SLC19A1: variants seen among roughly 807,000 people sequenced by gnomAD.
SLC19A1 encodes the protein solute carrier family 19 member 1, also known as reduced folate transporter.
SLC19A1 carries 37 observed loss-of-function variants against 35.3 expected under a neutral mutation model. The ratio of observed to expected loss-of-function variants is 1.05; its 90% CI spans 0.81 to 1.38. SLC19A1 has a LOEUF of 1.38. Among genes scored for constraint, SLC19A1 ranks in the 40% most tolerant of loss-of-function variants. The probability of loss-of-function intolerance (pLI) is 0.00; values close to 1 mark genes in which losing one functional copy is unlikely to be tolerated. For missense variants in SLC19A1, 831 were observed against 826.9 expected (o/e 1.00, Z -0.06); for synonymous variants, 460 against 398.5 (o/e 1.15, Z -1.84).
At chr21:45,551,947 A>G (rs2078470125) in intron 1 of SLC19A1, among the ~76,000 whole-genome samples, 1 of 152,086 alleles carries the variant, frequency 6.6e-6, no homozygotes, top group East Asian at 1.9e-4. Context: ...AGATGGACCC[A>G]CACCGCCTGC....
Position 45,534,458 on chromosome 21 carries a change from G to C in SLC19A1, c.190-2310C>G. Reference sequence around the variant, plus strand: ...CCCACAGCCCAGAGTCAAAATGGTAGACAGCCAGCAGAGAGGCTCTCCCCA... The same window carrying C: ...CCCACAGCCCAGAGTCAAAATGGTACACAGCCAGCAGAGAGGCTCTCCCCA... On this transcript the variant is annotated intron_variant, in intron 2 of 5. Coordinates refer to ENST00000311124, the MANE Select transcript of SLC19A1 (RefSeq NM_194255.4). The surrounding 1 kb of genome is among the most constrained non-coding windows in gnomAD (Gnocchi z 4.2). 8.7e-7 allele frequency: 1 copy of C among 1,145,862 alleles called. No homozygotes were observed. The highest frequency in any genetic ancestry group is 1.3e-6 in the Non-Finnish European group (1 of 797,714). The allele number at this position is 1,145,862 out of a possible 1,614,324, so 71.0% of individuals were successfully genotyped here.
At chr21:45,518,396 T>C (rs1215733003) in intron 5 of SLC19A1, among the ~76,000 whole-genome samples, 1 of 151,994 alleles carries the variant, frequency 6.6e-6, no homozygotes, top group Admixed American at 6.6e-5. Context: ...ATTTGTGACA[T>C]GGGGGATCTA....
At position 45,540,761 on chromosome 21, in the gene SLC19A1, G is replaced by T. The variant is rs573812372; in HGVS notation, c.-50+1607C>A. On this transcript the variant is annotated intron_variant, in intron 1 of 5. Coordinates refer to ENST00000311124, the MANE Select transcript of SLC19A1 (RefSeq NM_194255.4). The surrounding 1 kb of genome is among the most constrained non-coding windows in gnomAD (Gnocchi z 5.5). ...TTCCCGGCATCTGAAGGAAGTCCCC[G>T]ACCAGACAGGAGGGCCACGGGGAAG... is the stretch of plus-strand genomic sequence containing the variant. Among the ~76,000 whole-genome samples the T allele has an allele frequency of 4.6e-5, 7 of 152,214 alleles. No homozygotes were observed. The highest frequency in any genetic ancestry group is 4.2e-4 in the South Asian group (2 of 4,816).
chr21:45,520,670 T>C (rs973792412), intron 5 of SLC19A1, among the ~76,000 whole-genome samples: 5 of 152,018 alleles, frequency 3.3e-5, no homozygotes, highest in Non-Finnish European at 7.4e-5. Context: ...GTAATTACGG[T>C]TAAATGAGGT....
chr21:45,506,405 G>A, intron 3 of SLC19A1: 3 of 325,264 alleles, frequency 9.2e-6, no homozygotes, highest in Non-Finnish European at 1.8e-5. Flanking sequence ...ACCAAGGTGG[G>A]ATGAAATGCA....
chr21:45,551,952 G>A (rs569262708), intron 1 of SLC19A1, among the ~76,000 whole-genome samples: 1 of 152,254 alleles, frequency 6.6e-6, no homozygotes, highest in East Asian at 1.9e-4. Flanking sequence ...GACCCACACC[G>A]CCTGCGTGTT....
chr21:45,525,039 A>C (rs2077560945), intron 5 of SLC19A1, among the ~76,000 whole-genome samples: 1 of 152,138 alleles, frequency 6.6e-6, no homozygotes, highest in Non-Finnish European at 1.5e-5. Context: ...ATCCTCACCT[A>C]ACAGGCATTT....
chr21:45,554,874 G>T (rs1415720738), intron 1 of SLC19A1, among the ~76,000 whole-genome samples: 1 of 151,752 alleles, frequency 6.6e-6, no homozygotes, highest in Non-Finnish European at 1.5e-5. Flanking sequence ...TCCCAGCAGC[G>T]GGCCCTGTTC....
chr21:45,506,778 ACC>A (rs1568945880), intron 3 of SLC19A1: 155 of 51,376 alleles, frequency 3.0e-3, no homozygotes, highest in African/African-American at 9.9e-3. Context: ...GAACCCTCCC[ACC>A]TTCCCTCTGG....
Position 45,537,735 on chromosome 21 carries a change from C to G in SLC19A1, c.189+36G>C, listed in dbSNP as rs749942939. 92 of 1,187,008 alleles carry G rather than the reference C, an allele frequency of 7.8e-5. 1 individual carries two copies. In the South Asian group the frequency reaches 1.9e-3, roughly 24 times the overall value. 73.5% of individuals were successfully genotyped at this position (1,187,008 alleles called of 1,614,324 possible). On this transcript the variant is annotated intron_variant, in intron 2 of 5. Transcript: ENST00000311124. Reference sequence around the variant, plus strand: ...AGACGCTGCTCCCCGCCCACCCACCCACAGGCGGCCGCCCGGCACCCCGGC... The same window carrying G: ...AGACGCTGCTCCCCGCCCACCCACCGACAGGCGGCCGCCCGGCACCCCGGC...
chr21:45,551,741 A>G (rs1170132590), intron 1 of SLC19A1, among the ~76,000 whole-genome samples: 2 of 152,180 alleles, frequency 1.3e-5, no homozygotes, highest in African/African-American at 2.4e-5. Context: ...CGAAAAATGC[A>G]TATTCTCTAT....
At chr21:45,547,802 A>G (rs2078429472), upstream of SLC19A1, among the ~76,000 whole-genome samples, 1 of 152,204 alleles carries the variant, frequency 6.6e-6, no homozygotes, top group South Asian at 2.1e-4. Context: ...GGGCTGCGTC[A>G]AGGGTCATGG....
In SLC19A1 at chr21:45,530,260, A is replaced by G. The variant is rs1472669579; in HGVS notation, c.1151+510T>C. The stretch of plus-strand genomic sequence containing the variant: ...TGTGTGGTGTGTTCATGTGCGATAT[A>G]TCCATGTGTGAGTGTGGTGTGTTTG... On this transcript the variant is annotated intron_variant, in intron 4 of 5. Transcript: ENST00000311124. This position sits in a 1 kb window ranked among gnomAD's most constrained non-coding sequence, Gnocchi z 5.3. Among the ~76,000 whole-genome samples the G allele has an allele frequency of 2.0e-5, 3 of 147,856 alleles. No individual in the cohort carries two copies. The highest frequency in any genetic ancestry group is 7.6e-5 in the African/African-American group (3 of 39,548).
chr21:45,552,073 T>C (rs1282961817), intron 1 of SLC19A1, among the ~76,000 whole-genome samples: 2 of 152,326 alleles, frequency 1.3e-5, no homozygotes, highest in South Asian at 2.1e-4. Context: ...AAAAGGTGTC[T>C]GCCCGAGTGT....
At chr21:45,524,814 G>C (rs1437419468) in intron 5 of SLC19A1, among the ~76,000 whole-genome samples, 2 of 141,006 alleles carry the variant, frequency 1.4e-5, no homozygotes, top group Non-Finnish European at 3.1e-5. Flanking sequence ...AGGCTCACCT[G>C]CCCTGAGTGT....
At chr21:45,552,997 C>T (rs977800479) in intron 1 of SLC19A1, among the ~76,000 whole-genome samples, 39 of 152,304 alleles carry the variant, frequency 2.6e-4, no homozygotes, top group Admixed American at 5.2e-4. Flanking sequence ...CACAAGACCT[C>T]GCGCAATGGA....
At position 45,537,836 on chromosome 21, in the gene SLC19A1, G is replaced by A. The variant is rs930466223; in HGVS notation, c.124C>T (p.Arg42Trp). 17 of 1,606,722 alleles carry A rather than the reference G, an allele frequency of 1.1e-5. No individual in the cohort carries two copies. Among genetic ancestry groups the A allele is most frequent in the East Asian group, 2.2e-5 (1 of 44,688 alleles). Residue 42 changes from arginine to tryptophan, a missense_variant, in exon 2 of 6, where the codon CGG (arginine) becomes TGG (tryptophan). Physicochemically the swap from Arg to Trp is moderately radical, Grantham distance 101. Transcript: ENST00000311124. ...LCFYGFMAQI[R>W]PGESFITPYL... Reference sequence around the variant, plus strand: ...GGGGTGATGAAGCTCTCCCCTGGCCGTATCTGCGCCATGAAGCCGTAGAAG... The same window carrying A: ...GGGGTGATGAAGCTCTCCCCTGGCCATATCTGCGCCATGAAGCCGTAGAAG...
Position 45,530,582 on chromosome 21 carries a change from G to A in SLC19A1, c.1151+188C>T, listed in dbSNP as rs751679409. ...GGAGGGCCTGGGGGAGCAGCAAGAC[G>A]GCACAGGAAGGGACGCCCGAGGTCC... On this transcript the variant is annotated intron_variant, in intron 4 of 5. Transcript: ENST00000311124. This position sits in a 1 kb window ranked among gnomAD's most constrained non-coding sequence, Gnocchi z 5.3. Among the ~76,000 whole-genome samples the A allele has an allele frequency of 6.6e-6, 1 of 152,130 alleles. No individual in the cohort carries two copies.
chr21:45,507,445 C>T (rs1480372696), intron 3 of SLC19A1: 1 of 712,324 alleles, frequency 1.4e-6, no homozygotes, highest in African/African-American at 2.6e-5. Context: ...GGAGGGCACC[C>T]TCCTGTGGGC....
Sources: allele counts gnomAD v4.1 joint callset (sites outside exome capture counted in the v4.1 genomes callset), GRCh38; gene constraint gnomAD v4.1.1; non-coding constraint Gnocchi (gnomAD v3.1); transcripts MANE v1.5; gene names NCBI Gene and HGNC (gene_info 2026-07-23, HGNC 2026-07-21).